AP3S2: variants seen among roughly 807,000 people sequenced by gnomAD.
The protein encoded by AP3S2 is AP-3 complex subunit sigma-2.
A neutral mutation model predicts 23.4 loss-of-function variants in AP3S2; 22 were observed. The observed-to-expected ratio is 0.94, with a 90% CI of 0.67 to 1.34. The LOEUF is 1.34. Ranked by LOEUF, AP3S2 falls within the 40% of genes most tolerant of loss-of-function variation. The pLI is 0.00. For synonymous variants in AP3S2, 86 were observed against 87.1 expected, an observed-to-expected ratio of 0.99 and a Z score of 0.07; for missense variants, 241 against 236.9, an observed-to-expected ratio of 1.02 and a Z score of -0.11.
At chr15:89,842,430 G>C (rs1246760869) in intron 4 of AP3S2, among the ~76,000 whole-genome samples, 1 of 152,130 alleles carries the variant, frequency 6.6e-6, no homozygotes, top group Non-Finnish European at 1.5e-5. Context: ...ATTCAGAATA[G>C]GCAGTACCAA....
chr15:89,843,960 G>C (rs1439608044), intron 4 of AP3S2, among the ~76,000 whole-genome samples: 3 of 152,206 alleles, frequency 2.0e-5, no homozygotes, highest in African/African-American at 7.2e-5. Context: ...TAAAACTCCA[G>C]CTAGCAAAAA....
intron 4 of AP3S2, among the ~76,000 whole-genome samples, chr15:89,838,683 T>C (rs1895252701): frequency 6.6e-6 from 1 of 152,134 alleles, no homozygotes; most frequent in African/African-American, 2.4e-5. Flanking sequence ...GTTAACTAAG[T>C]GCCAAATGAC....
At chr15:89,860,687 CTGTA>C (rs1463702204) in intron 4 of AP3S2, among the ~76,000 whole-genome samples, 1 of 152,032 alleles carries the variant, frequency 6.6e-6, no homozygotes, top group Non-Finnish European at 1.5e-5. Context: ...ACTGGCCTTT[CTGTA>C]TGTAAGATAA....
chr15:89,867,891 C>T (rs1156662723), intron 4 of AP3S2, among the ~76,000 whole-genome samples: 1 of 131,150 alleles, frequency 7.6e-6, no homozygotes, highest in Non-Finnish European at 1.7e-5. Flanking sequence ...AGCGGCTCCG[C>T]CCGGCAGCCA....
chr15:89,859,229 CCTT>C (rs1316169559), intron 4 of AP3S2, among the ~76,000 whole-genome samples: 8 of 149,616 alleles, frequency 5.3e-5, no homozygotes, highest in Non-Finnish European at 8.9e-5. Flanking sequence ...TTCTTTCTTT[CCTT>C]CTTTCTTTCT....
chr15:89,879,379 T>C (rs1007757685), intron 3 of AP3S2, among the ~76,000 whole-genome samples: 3 of 152,210 alleles, frequency 2.0e-5, no homozygotes, highest in Non-Finnish European at 4.4e-5. Flanking sequence ...TTAACATATG[T>C]GCATATAGAT....
intron 4 of AP3S2, among the ~76,000 whole-genome samples, chr15:89,859,445 G>A (rs1293617985): frequency 1.6e-5 from 2 of 121,214 alleles, no homozygotes; most frequent in Non-Finnish European, 3.2e-5. Flanking sequence ...CCAGGCTGGT[G>A]TGCAGTGGCG....
At chr15:89,835,729 A>C in intron 5 of AP3S2, 86 bp from the exon 6 acceptor site, 4 of 1,479,778 alleles carry the variant, frequency 2.7e-6, no homozygotes, top group Non-Finnish European at 3.6e-6. Context: ...AAAAGCAAAA[A>C]CAAAAACAAA....
chr15:89,856,020 G>A (rs1895826969), intron 4 of AP3S2, among the ~76,000 whole-genome samples: 1 of 149,728 alleles, frequency 6.7e-6, no homozygotes, highest in Non-Finnish European at 1.5e-5. Flanking sequence ...GAAAACTGAG[G>A]CACAAAGAGG....
At chr15:89,849,891 T>C (rs567284082) in intron 4 of AP3S2, among the ~76,000 whole-genome samples, 28 of 152,142 alleles carry the variant, frequency 1.8e-4, no homozygotes, top group African/African-American at 5.5e-4. Flanking sequence ...TGTGTTCTCA[T>C]TGTTCAACTG....
chr15:89,890,923 G>C (rs1596225846), intron 1 of AP3S2, among the ~76,000 whole-genome samples: 1 of 152,306 alleles, frequency 6.6e-6, no homozygotes, highest in South Asian at 2.1e-4. Context: ...CTACAAATTT[G>C]AGTAAATTAA....
At chr15:89,868,456 A>C (rs1233362436) in intron 4 of AP3S2, among the ~76,000 whole-genome samples, 1 of 38,702 alleles carries the variant, frequency 2.6e-5, no homozygotes, top group Admixed American at 3.1e-4. Context: ...CTGCCCGGCC[A>C]CCCCTACTGG....
At chr15:89,862,731 C>G (rs2141869068) in intron 4 of AP3S2, among the ~76,000 whole-genome samples, 1 of 152,246 alleles carries the variant, frequency 6.6e-6, no homozygotes, top group South Asian at 2.1e-4. Flanking sequence ...AAGACATATG[C>G]TGAAGCTGGC....
chr15:89,889,977 A>G (rs1193180204), intron 1 of AP3S2, among the ~76,000 whole-genome samples: 1 of 152,146 alleles, frequency 6.6e-6, no homozygotes. Context: ...GATACTACAT[A>G]TAAGATGCTG....
intron 3 of AP3S2, among the ~76,000 whole-genome samples, chr15:89,887,614 G>A (rs965266282): frequency 2.0e-5 from 3 of 151,438 alleles, no homozygotes; most frequent in South Asian, 4.2e-4. Flanking sequence ...CATCTGCCTC[G>A]GCCTCCCAAA....
intron 1 of AP3S2, among the ~76,000 whole-genome samples, chr15:89,892,814 G>A (rs1362750485): frequency 6.6e-6 from 1 of 152,154 alleles, no homozygotes; most frequent in African/African-American, 2.4e-5. Flanking sequence ...GGAGGTGCCC[G>A]CCACCGCGCT....
At chr15:89,839,937 A>C (rs145010826) in intron 4 of AP3S2, among the ~76,000 whole-genome samples, 2 of 152,132 alleles carry the variant, frequency 1.3e-5, no homozygotes, top group African/African-American at 4.8e-5. Context: ...TGAAGATACT[A>C]TAAGTGAAAC....
chr15:89,851,482 G>A (rs1895653159), intron 4 of AP3S2, among the ~76,000 whole-genome samples: 1 of 152,126 alleles, frequency 6.6e-6, no homozygotes, highest in African/African-American at 2.4e-5. Context: ...ATGATTACAG[G>A]CATGTGCCAC....
chr15:89,872,979 A>G (rs1351095233), intron 3 of AP3S2, among the ~76,000 whole-genome samples: 1 of 152,232 alleles, frequency 6.6e-6, no homozygotes, highest in Non-Finnish European at 1.5e-5. Context: ...ACTCCCAGAT[A>G]ACATATCTAA....
Sources: allele counts gnomAD v4.1 joint callset (sites outside exome capture counted in the v4.1 genomes callset), GRCh38; gene constraint gnomAD v4.1.1; transcripts MANE v1.5; gene names NCBI Gene and HGNC (gene_info 2026-07-23, HGNC 2026-07-21).